Variants in ABCB10 observed in about 807,000 individuals in gnomAD.
ABCB10 encodes the protein ATP-binding cassette sub-family B member 10, mitochondrial.
In ABCB10, 54 loss-of-function variants were observed where a neutral mutation model predicts 65.4. The observed-to-expected ratio is 0.83, with a 90% CI of 0.66 to 1.04. ABCB10 has a LOEUF of 1.04. Ranked by LOEUF, ABCB10 falls within the 50% of genes least tolerant of loss-of-function variation. The pLI is 0.00. For missense variants in ABCB10, 846 were observed against 976.6 expected (o/e 0.87, Z 1.78); for synonymous variants, 418 against 406.5 (o/e 1.03, Z -0.34).
intron 11 of ABCB10, chr1:229,519,161 TG>T (rs576672431): frequency 6.1e-5 from 16 of 264,414 alleles, no homozygotes; most frequent in East Asian, 1.4e-4. Context: ...AGAGGGTCCC[TG>T]GGGGGGTGAT....
chr1:229,526,157 A>T, intron 9 of ABCB10, 41 bp from the exon 10 acceptor site: 1 of 1,567,840 alleles, frequency 6.4e-7, no homozygotes, highest in Non-Finnish European at 8.7e-7. Flanking sequence ...TTTCAAACAG[A>T]CTTAAAACAT....
At chr1:229,521,484 AAAC>A (rs1444315963) in intron 11 of ABCB10, 105 bp downstream of exon 11, 2 of 1,399,580 alleles carry the variant, frequency 1.4e-6, no homozygotes, top group Non-Finnish European at 2.0e-6. Flanking sequence ...AAAAAAAAAA[AAAC>A]AAAAAACAGG....
rs969766089 is a variant in ABCB10, at chr1:229,529,667, CAAAAAAAAAAA to C, written c.1645+521_1645+531del. Among the ~76,000 whole-genome samples the C allele has an allele frequency of 1.7e-4, 4 of 23,210 alleles. No individual in the cohort carries two copies. In the South Asian group the frequency reaches 4.3e-3, roughly 25 times the overall value. The allele number at this position is 23,210 out of a possible 152,430, so 15.2% of individuals were successfully genotyped here. On this transcript the variant is annotated intron_variant, in intron 8 of 12. Transcript: ENST00000344517. The stretch of plus-strand genomic sequence containing the variant: ...CCTGGGCGACAGAGCAAGACTGTCT[CAAAAAAAAAAA>C]AAAAAAAAAAAAAAAGAAGTGAATC...
chr1:229,516,759 TCA>T lies in ABCB10; in HGVS notation c.*1418_*1419del, dbSNP rs1459236368. 1 of 152,210 alleles carries T rather than the reference TCA, an allele frequency of 6.6e-6. No homozygotes were observed. The highest frequency in any genetic ancestry group is 1.5e-5 in the Non-Finnish European group (1 of 68,020). 9.4% of individuals were successfully genotyped at this position (152,210 alleles called of 1,614,324 possible). A position where few individuals can be genotyped will look rare whatever the true frequency, so the allele number is the denominator to read the frequency against. ...AATTGTGTTGTTTGCTTTCTGAAAA[TCA>T]CACTTTATAAAGAACACAAGTAGAG... is the stretch of plus-strand genomic sequence containing the variant. On this transcript the variant is annotated 3_prime_UTR_variant, in exon 13 of 13. Coordinates refer to ENST00000344517, the MANE Select transcript of ABCB10 (RefSeq NM_012089.3).
intron 1 of ABCB10, among the ~76,000 whole-genome samples, chr1:229,554,422 AAC>A (rs1343341125): frequency 6.6e-6 from 1 of 152,158 alleles, no homozygotes; most frequent in Non-Finnish European, 1.5e-5. Flanking sequence ...ATTAAAATAA[AAC>A]AGTTAGGGGT....
At chr1:229,542,170 T>C (rs1388623672) in intron 4 of ABCB10, 67 bp downstream of exon 4, 1 of 1,559,858 alleles carries the variant, frequency 6.4e-7, no homozygotes, top group Non-Finnish European at 8.6e-7. Context: ...CCTTAGGATC[T>C]GCCCTCTAGG....
intron 11 of ABCB10, among the ~76,000 whole-genome samples, 156 bp downstream of exon 11, chr1:229,521,436 C>A (rs186656454): frequency 6.6e-6 from 1 of 151,248 alleles, no homozygotes; most frequent in African/African-American, 2.4e-5. Flanking sequence ...ACTACACTAA[C>A]TTACCTTTCA....
At chr1:229,524,465 G>C (rs1461409591) in intron 10 of ABCB10, among the ~76,000 whole-genome samples, 1 of 151,712 alleles carries the variant, frequency 6.6e-6, no homozygotes, top group Non-Finnish European at 1.5e-5. Flanking sequence ...GCCCGGCCAG[G>C]AACTTGTTAT....
chr1:229,548,618 C>G (rs888933703), intron 2 of ABCB10, among the ~76,000 whole-genome samples: 1 of 151,962 alleles, frequency 6.6e-6, no homozygotes, highest in East Asian at 1.9e-4. Context: ...CTTCAGGAAG[C>G]CTCAGAAGTC....
intron 3 of ABCB10, among the ~76,000 whole-genome samples, chr1:229,542,819 T>C (rs187198246): frequency 1.3e-5 from 2 of 151,968 alleles, no homozygotes; most frequent in African/African-American, 2.4e-5. Context: ...ATGACCAAGA[T>C]GGTGAAGTCA....
intron 1 of ABCB10, among the ~76,000 whole-genome samples, chr1:229,555,305 C>G (rs1663221350): frequency 6.6e-6 from 1 of 152,256 alleles, no homozygotes; most frequent in Non-Finnish European, 1.5e-5. Flanking sequence ...CATCAATCCA[C>G]ACCCTGCTCC....
rs1168388384 is a variant in ABCB10 at position 229,558,148 on chromosome 1, G to C, written c.505C>G (p.Arg169Gly). The change falls in exon 1 of 13, where the codon CGG becomes GGG. Residue 169 changes from arginine (R) to glycine (G), a missense_variant. By Grantham distance (125) the Arg-to-Gly change is moderately radical. Around this residue, in one of 2 missense-constraint regions of ABCB10, gnomAD observed 632 missense variants for 803.2 expected, o/e 0.79. Coordinates refer to ENST00000344517, the MANE Select transcript of ABCB10 (RefSeq NM_012089.3). ...GGGAGGACCCTACCTGCCAGCCTCC[G>C]GCGCTCAGGGTACGCCAGCCCCAGG... ...KLLGLAYPER[R>G]RLAAAVGFLT... The C allele has an allele frequency of 2.8e-6, 4 of 1,416,060 alleles. No individual in the cohort carries two copies. The highest frequency in any genetic ancestry group is 3.7e-6 in the Non-Finnish European group (4 of 1,087,992). The allele number at this position is 1,416,060 out of a possible 1,614,324, so 87.7% of individuals were successfully genotyped here. A position where few individuals can be genotyped will look rare whatever the true frequency, so the allele number is the denominator to read the frequency against.
chr1:229,554,654 C>T lies in ABCB10; in HGVS notation c.517+3482G>A, dbSNP rs187739145. ...ATATTTTACATTTTTTCTCTACTGTCCTTCTGGAATCTGATGTGACAGCAC... is the reference window on the plus strand; with the variant it reads ...ATATTTTACATTTTTTCTCTACTGTTCTTCTGGAATCTGATGTGACAGCAC... On this transcript the variant is annotated intron_variant, in intron 1 of 12. Transcript: ENST00000344517. Among the ~76,000 whole-genome samples the T allele has an allele frequency of 2.4e-4, 37 of 152,296 alleles. No individual in the cohort carries two copies. In the East Asian group the frequency reaches 6.4e-3, roughly 26 times the overall value.
chr1:229,558,587 C>G lies in ABCB10; in HGVS notation c.66G>C (p.Arg22=), dbSNP rs1663325889. The change falls in exon 1 of 13, where the codon CGG becomes CGC. Residue 22 remains arginine, a synonymous_variant. Coordinates refer to ENST00000344517, the MANE Select transcript of ABCB10 (RefSeq NM_012089.3). The part of the protein sequence containing the change: ...LEPPSPAEPG[R]LLPVACVWAA... ...CCCACACGCAGGCTACCGGCAGGAG[C>G]CGACCTGGCTCGGCAGGGCTCGGTG... 1 of 1,443,366 alleles carries G rather than the reference C, an allele frequency of 6.9e-7. No individual in the cohort carries two copies. Among genetic ancestry groups the G allele is most frequent in the South Asian group, 1.3e-5 (1 of 76,278 alleles). The allele number at this position is 1,443,366 out of a possible 1,614,324, so 89.4% of individuals were successfully genotyped here.
intron 10 of ABCB10, among the ~76,000 whole-genome samples, chr1:229,523,883 C>T (rs1662372533): frequency 1.3e-5 from 2 of 152,090 alleles, no homozygotes; most frequent in Non-Finnish European, 2.9e-5. Context: ...AGATATGTTT[C>T]AGAGATGGAG....
rs539537539 is a variant in ABCB10 at position 229,521,688 on chromosome 1, T to C, written c.1907-53A>G. 15 of 1,591,144 alleles carry C rather than the reference T, an allele frequency of 9.4e-6. No homozygotes were observed. The African/African-American group carries it at 1.8e-4, about 19-fold the overall frequency. ...AGGCCTCAACAAAAAATCTTAGTAA[T>C]AGGCTTTTATGATAAACCATATAGC... On this transcript the variant is annotated intron_variant, in intron 10 of 12. Transcript: ENST00000344517.
Position 229,558,683 on chromosome 1 carries a change from C to T in ABCB10, c.-31G>A, listed in dbSNP as rs1663331219. On this transcript the variant is annotated 5_prime_UTR_variant, in exon 1 of 13. Coordinates refer to ENST00000344517, the MANE Select transcript of ABCB10 (RefSeq NM_012089.3). The stretch of plus-strand genomic sequence containing the variant: ...TGCGTGCGACCCGTACGCCTCAGCC[C>T]GCCGGCCAGGCGCGCGCAAAGCCCG... 7.9e-7 allele frequency: 1 copy of T among 1,265,974 alleles called. No homozygotes were observed. Among genetic ancestry groups the T allele is most frequent in the Non-Finnish European group, 9.9e-7 (1 of 1,007,148 alleles). The allele number at this position is 1,265,974 out of a possible 1,614,324, so 78.4% of individuals were successfully genotyped here. A position where few individuals can be genotyped will look rare whatever the true frequency, so the allele number is the denominator to read the frequency against.
Position 229,539,383 on chromosome 1 carries a change from G to C in ABCB10, c.1339+73C>G. 10 of 1,563,836 alleles carry C rather than the reference G, an allele frequency of 6.4e-6. No homozygotes were observed. In the South Asian group the frequency reaches 1.2e-4, roughly 18 times the overall value. On this transcript the variant is annotated intron_variant, in intron 6 of 12. Transcript: ENST00000344517. Reference sequence around the variant, plus strand: ...GGAAGTTAATTGAAGTAATGTGAAAGTTCAGTTTCTCTTTCAGAAATGATG... The same window carrying C: ...GGAAGTTAATTGAAGTAATGTGAAACTTCAGTTTCTCTTTCAGAAATGATG...
chr1:229,548,707 T>A (rs1309609822), intron 2 of ABCB10, among the ~76,000 whole-genome samples: 5 of 150,440 alleles, frequency 3.3e-5, no homozygotes, highest in Non-Finnish European at 5.9e-5. Context: ...CTGTCCCCCA[T>A]GCTGGAGTGC....
Sources: allele counts gnomAD v4.1 joint callset (sites outside exome capture counted in the v4.1 genomes callset), GRCh38; gene constraint gnomAD v4.1.1; regional missense constraint gnomAD v4.1.1; transcripts MANE v1.5; gene names NCBI Gene and HGNC (gene_info 2026-07-23, HGNC 2026-07-21).